PRKD1: variants seen among roughly 807,000 people sequenced by gnomAD.
The protein encoded by PRKD1 is serine/threonine-protein kinase D1.
In PRKD1, 63 loss-of-function variants were observed where a neutral mutation model predicts 95.9. The observed-to-expected ratio is 0.66, with a 90% CI of 0.54 to 0.81. The LOEUF (loss-of-function observed/expected upper bound fraction) is 0.81, where lower values mean the gene tolerates loss of function less well. Among genes scored for constraint, PRKD1 ranks in the 30% least tolerant of loss-of-function variants. The pLI is 0.00. For synonymous variants in PRKD1, 425 were observed against 423.1 expected (o/e 1.00, Z -0.05); for missense variants, 1,048 against 1,165.3 (o/e 0.90, Z 1.47).
intron 13 of PRKD1, among the ~76,000 whole-genome samples, chr14:29,617,710 C>A (rs1878960317): frequency 1.3e-5 from 2 of 152,104 alleles, no homozygotes; most frequent in Admixed American, 1.3e-4. Context: ...CTGAACAAGT[C>A]TGTTGATTTA....
chr14:29,629,436 C>T (rs573649571), intron 10 of PRKD1, among the ~76,000 whole-genome samples: 2 of 152,050 alleles, frequency 1.3e-5, no homozygotes, highest in African/African-American at 2.4e-5. Context: ...ACAGGCAAAT[C>T]GTTAAAGTCT....
chr14:29,712,824 G>A (rs1885398779), intron 2 of PRKD1, among the ~76,000 whole-genome samples: 1 of 152,188 alleles, frequency 6.6e-6, no homozygotes, highest in Non-Finnish European at 1.5e-5. Flanking sequence ...AACAGAATGA[G>A]AGTGCTGGGC....
At chr14:29,742,081 A>G (rs1887004105) in intron 1 of PRKD1, among the ~76,000 whole-genome samples, 1 of 152,136 alleles carries the variant, frequency 6.6e-6, no homozygotes, top group Admixed American at 6.5e-5. Flanking sequence ...TCTTCTTTGT[A>G]CTGATAAGTG....
chr14:29,901,724 T>C (rs17096135), intron 1 of PRKD1, among the ~76,000 whole-genome samples: 9,873 of 152,220 alleles, frequency 0.065, 395 homozygotes, highest in South Asian at 0.11. Context: ...ACTTTGTCAG[T>C]CAATAATATT....
At chr14:29,643,038 C>T (rs891768206) in intron 4 of PRKD1, among the ~76,000 whole-genome samples, 1 of 151,560 alleles carries the variant, frequency 6.6e-6, no homozygotes, top group Admixed American at 6.6e-5. Flanking sequence ...TTTAAAATTT[C>T]GTTTTTTATA....
intron 1 of PRKD1, among the ~76,000 whole-genome samples, chr14:29,874,347 GCAAA>G (rs1310186353): frequency 1.3e-5 from 2 of 152,154 alleles, no homozygotes; most frequent in East Asian, 3.9e-4. Context: ...AGGATGCAAA[GCAAA>G]GGGAACTCTT....
chr14:29,598,317 T>C (rs562118537), intron 15 of PRKD1, among the ~76,000 whole-genome samples: 1 of 100,530 alleles, frequency 9.9e-6, no homozygotes, highest in African/African-American at 4.9e-5. Context: ...TAAAATAAAA[T>C]AAAATAAAAA....
At chr14:29,639,366 T>C (rs1312646161) in intron 4 of PRKD1, among the ~76,000 whole-genome samples, 1 of 152,188 alleles carries the variant, frequency 6.6e-6, no homozygotes, top group Non-Finnish European at 1.5e-5. Context: ...AATGCTGTAA[T>C]CCCAGCACTT....
chr14:29,719,538 T>C (rs959343372), intron 2 of PRKD1, among the ~76,000 whole-genome samples: 3 of 152,186 alleles, frequency 2.0e-5, no homozygotes, highest in Admixed American at 1.3e-4. Flanking sequence ...GGCTAAATGG[T>C]ATTGAAATGG....
At chr14:29,749,056 A>T (rs1012507973) in intron 1 of PRKD1, among the ~76,000 whole-genome samples, 2 of 152,204 alleles carry the variant, frequency 1.3e-5, no homozygotes, top group Non-Finnish European at 2.9e-5. Flanking sequence ...GATTATAAGT[A>T]GGAGTGGAAT....
At chr14:29,815,480 A>T (rs944878476) in intron 1 of PRKD1, among the ~76,000 whole-genome samples, 1 of 152,226 alleles carries the variant, frequency 6.6e-6, no homozygotes, top group African/African-American at 2.4e-5. Context: ...CAAACTCATG[A>T]AAAAACAAAA....
chr14:29,912,689 T>C (rs917578729), intron 1 of PRKD1, among the ~76,000 whole-genome samples: 1 of 152,244 alleles, frequency 6.6e-6, no homozygotes, highest in Non-Finnish European at 1.5e-5. Context: ...ACAAATTTTC[T>C]AAATAATCAA....
chr14:29,731,647 A>C (rs529809595), intron 1 of PRKD1, among the ~76,000 whole-genome samples: 1 of 152,028 alleles, frequency 6.6e-6, no homozygotes, highest in Non-Finnish European at 1.5e-5. Context: ...AACTTGGTAC[A>C]TTTTCTTGAA....
chr14:29,750,337 G>A (rs1480829949), intron 1 of PRKD1, among the ~76,000 whole-genome samples: 1 of 152,020 alleles, frequency 6.6e-6, no homozygotes, highest in Admixed American at 6.6e-5. Flanking sequence ...TAAGCTAGTT[G>A]ATATAAACAA....
chr14:29,909,894 G>A (rs1023692507), intron 1 of PRKD1, among the ~76,000 whole-genome samples: 1 of 152,188 alleles, frequency 6.6e-6, no homozygotes, highest in African/African-American at 2.4e-5. Context: ...GGGACTGGGA[G>A]AACTTTTGTG....
chr14:29,815,680 T>G (rs568734575), intron 1 of PRKD1, among the ~76,000 whole-genome samples: 1 of 152,366 alleles, frequency 6.6e-6, no homozygotes, highest in South Asian at 2.1e-4. Flanking sequence ...AGAATGTATA[T>G]ACTTTAAAAG....
Position 29,630,816 on chromosome 14 carries a change from T to A in PRKD1, c.1598A>T (p.Glu533Val). 4.3e-6 allele frequency: 7 copies of A among 1,614,092 alleles called. No homozygotes were observed. Among genetic ancestry groups the A allele is most frequent in the Non-Finnish European group, 5.9e-6 (7 of 1,179,990 alleles). The change falls in exon 10 of 18, where the codon GAG (glutamate) becomes GTG (valine). Residue 533 changes from glutamate to valine, a missense_variant. Physicochemically the swap from Glu to Val is moderately radical, Grantham distance 121. This residue lies in a region of PRKD1 where 739 missense variants were observed against 861.9 expected (regional missense o/e 0.86). Coordinates refer to ENST00000331968, the MANE Select transcript of PRKD1 (RefSeq NM_002742.3). ...GVGADVARMW[E>V]IAIQHALMPV... ...CATAAGGGCATGCTGGATGGCTATC[T>A]CCCACATCCTGGCCACATCTGCACC...
rs1255479113 is a variant in PRKD1 at position 29,629,078 on chromosome 14, C to T, written c.1688G>A (p.Ser563Asn). The T allele has an allele frequency of 6.8e-6, 11 of 1,608,222 alleles. No homozygotes were observed. Among genetic ancestry groups the T allele is most frequent in the Middle Eastern group, 1.7e-4 (1 of 6,056 alleles). ...GTNLHRDISV[S>N]ISVSNCQIQE... ...AATCTGGCAATTTGATACTGAAATA[C>T]TCACAGAGATATCTCCTGGAAATGC... Residue 563 changes from serine (S) to asparagine (N), a missense_variant, in exon 11 of 18, where the codon AGT becomes AAT. By Grantham distance (46) the Ser-to-Asn change is conservative (BLOSUM62 1). Coordinates refer to ENST00000331968, the MANE Select transcript of PRKD1 (RefSeq NM_002742.3).
At chr14:29,694,032 G>C (rs1004254911) in intron 2 of PRKD1, among the ~76,000 whole-genome samples, 61 of 152,070 alleles carry the variant, frequency 4.0e-4, no homozygotes, top group African/African-American at 1.3e-3. Flanking sequence ...ACCTTCATAG[G>C]AACCCTCTAC....
Sources: allele counts gnomAD v4.1 joint callset (sites outside exome capture counted in the v4.1 genomes callset), GRCh38; gene constraint gnomAD v4.1.1; regional missense constraint gnomAD v4.1.1; transcripts MANE v1.5; gene names NCBI Gene and HGNC (gene_info 2026-07-23, HGNC 2026-07-21).